PKIG: variants seen among roughly 807,000 people sequenced by gnomAD.
PKIG encodes the protein protein kinase (cAMP-dependent, catalytic) inhibitor gamma.
Under a neutral mutation model 6.8 loss-of-function variants are expected in PKIG, and 1 was observed. The observed-to-expected ratio is 0.15, with a 90% CI of 0.05 to 0.69. The LOEUF is 0.69. Among genes scored for constraint, PKIG ranks in the 30% least tolerant of loss-of-function variants. PKIG has a pLI of 0.82. For missense variants in PKIG, 77 were observed against 104.0 expected (o/e 0.74, Z 1.13); for synonymous variants, 39 against 43.0 (o/e 0.91, Z 0.36).
At chr20:44,596,345 A>T (rs2065074706) in intron 2 of PKIG, among the ~76,000 whole-genome samples, 1 of 152,252 alleles carries the variant, frequency 6.6e-6, no homozygotes, top group South Asian at 2.1e-4. Flanking sequence ...AGAGGGACTC[A>T]GGCTAAAGGG....
rs2065298218 is a variant in PKIG, at chr20:44,618,960, G to A, written c.*596G>A. On this transcript the variant is annotated 3_prime_UTR_variant, in exon 4 of 4. Coordinates refer to ENST00000372886, the MANE Select transcript of PKIG (RefSeq NM_001281445.2). ...TAGGGAAGGGATTTTGGCTCAAAAC[G>A]ATCTGACCACCTCTGCCCTGTCCAC... 6.4e-6 allele frequency: 1 copy of A among 155,656 alleles called. No homozygotes were observed. The highest frequency in any genetic ancestry group is 1.4e-5 in the Non-Finnish European group (1 of 69,960). The allele number at this position is 155,656 out of a possible 1,614,324, so 9.6% of individuals were successfully genotyped here. A position where few individuals can be genotyped will look rare whatever the true frequency, so the allele number is the denominator to read the frequency against.
chr20:44,607,298 C>G lies in PKIG; in HGVS notation c.-23-7236C>G, dbSNP rs554395613. Among the ~76,000 whole-genome samples, 54 of 148,502 alleles carry G rather than the reference C, an allele frequency of 3.6e-4. No homozygotes were observed. In the Middle Eastern group the frequency reaches 0.014, roughly 40 times the overall value. ...AGTGCTGCAGTGGCTTCAGAGTGAT[C>G]TACAGTTGTTTCCAAGGTGTGTGTG... On this transcript the variant is annotated intron_variant, in intron 2 of 3. Transcript: ENST00000372886.
intron 2 of PKIG, among the ~76,000 whole-genome samples, chr20:44,600,600 C>T (rs2065112932): frequency 2.0e-5 from 3 of 151,872 alleles, no homozygotes; most frequent in South Asian, 4.2e-4. Context: ...AATCCCAGCT[C>T]TTTGGGAGGC....
At chr20:44,549,337 A>G (rs1339608598) in intron 1 of PKIG, among the ~76,000 whole-genome samples, 1 of 152,222 alleles carries the variant, frequency 6.6e-6, no homozygotes, top group Non-Finnish European at 1.5e-5. Flanking sequence ...TCCCAGTGAC[A>G]TATGAACTGT....
chr20:44,601,180 A>C (rs1397211627), intron 2 of PKIG, among the ~76,000 whole-genome samples: 1 of 152,146 alleles, frequency 6.6e-6, no homozygotes, highest in East Asian at 1.9e-4. Context: ...CGTAGAAGTC[A>C]CTCAGGACCT....
At chr20:44,615,320 C>A (rs565989071) in intron 3 of PKIG, among the ~76,000 whole-genome samples, 37 of 152,374 alleles carry the variant, frequency 2.4e-4, no homozygotes, top group African/African-American at 5.8e-4. Flanking sequence ...GGGGCCTTCT[C>A]TGAGTGCTAG....
intron 1 of PKIG, among the ~76,000 whole-genome samples, chr20:44,532,823 T>C (rs889724014): frequency 2.0e-5 from 3 of 151,980 alleles, no homozygotes; most frequent in South Asian, 2.1e-4. Flanking sequence ...ATAAAGCAGG[T>C]AGAGAAAGTA....
intron 1 of PKIG, among the ~76,000 whole-genome samples, chr20:44,538,059 A>G (rs1167556231): frequency 2.0e-5 from 3 of 152,174 alleles, no homozygotes; most frequent in Admixed American, 6.5e-5. Flanking sequence ...AAAAAGGACA[A>G]TATAAGGTAT....
intron 2 of PKIG, among the ~76,000 whole-genome samples, chr20:44,591,212 C>G (rs184736444): frequency 1.1e-3 from 173 of 152,028 alleles, no homozygotes; most frequent in African/African-American, 4.1e-3. Context: ...AGCAGCACAG[C>G]GAAGGCCTGG....
Position 44,614,464 on chromosome 20 carries a change from G to A in PKIG, c.-23-70G>A, listed in dbSNP as rs2065245646. ...TTTTGACAGAAGCCACTGTGCTGGG[G>A]AACTGGAGCTGTCCTCTCTGCAGAA... On this transcript the variant is annotated intron_variant, in intron 2 of 3. Coordinates refer to ENST00000372886, the MANE Select transcript of PKIG (RefSeq NM_001281445.2). This position sits in a 1 kb window ranked among gnomAD's most constrained non-coding sequence, Gnocchi z 4.6. The A allele has an allele frequency of 8.9e-7, 1 of 1,128,250 alleles. No homozygotes were observed. The highest frequency in any genetic ancestry group is 1.3e-6 in the Non-Finnish European group (1 of 771,426). The allele number at this position is 1,128,250 out of a possible 1,614,324, so 69.9% of individuals were successfully genotyped here.
chr20:44,588,507 G>T (rs892348670), intron 1 of PKIG, among the ~76,000 whole-genome samples: 4 of 152,180 alleles, frequency 2.6e-5, no homozygotes, highest in Non-Finnish European at 5.9e-5. Context: ...AGCCGGGCGC[G>T]GTGGCACGCA....
chr20:44,532,283 AATTT>A (rs555356180), intron 1 of PKIG, among the ~76,000 whole-genome samples: 139 of 152,316 alleles, frequency 9.1e-4, no homozygotes, highest in African/African-American at 3.2e-3. Flanking sequence ...CTGTGCAGAA[AATTT>A]ATTTGTGTGT....
chr20:44,555,917 G>A (rs188892320), intron 1 of PKIG, among the ~76,000 whole-genome samples: 4 of 151,948 alleles, frequency 2.6e-5, no homozygotes, highest in African/African-American at 7.3e-5. Context: ...CTCTGCTCAC[G>A]GCAACTTCTG....
At chr20:44,553,711 C>T (rs1039879119) in intron 1 of PKIG, among the ~76,000 whole-genome samples, 9 of 152,056 alleles carry the variant, frequency 5.9e-5, no homozygotes, top group African/African-American at 2.2e-4. Context: ...CTCTAATGCT[C>T]GTTTATAGTA....
chr20:44,579,840 A>G (rs531380648), upstream of PKIG, among the ~76,000 whole-genome samples: 1 of 152,334 alleles, frequency 6.6e-6, no homozygotes, highest in African/African-American at 2.4e-5. Flanking sequence ...GTAACAAAAC[A>G]TGATTCAAAG....
intron 1 of PKIG, among the ~76,000 whole-genome samples, chr20:44,541,302 T>G (rs1341352280): frequency 6.6e-6 from 1 of 152,188 alleles, no homozygotes; most frequent in African/African-American, 2.4e-5. Context: ...TTTGTTTTGT[T>G]TTTGAGACTG....
In PKIG at chr20:44,618,441, C is replaced by A; in HGVS notation, c.*77C>A. 1 of 975,832 alleles carries A rather than the reference C, an allele frequency of 1.0e-6. No individual in the cohort carries two copies. The highest frequency in any genetic ancestry group is 1.7e-6 in the Non-Finnish European group (1 of 601,364). 60.4% of individuals were successfully genotyped at this position (975,832 alleles called of 1,614,324 possible). A position where few individuals can be genotyped will look rare whatever the true frequency, so the allele number is the denominator to read the frequency against. ...AGGGGGAACCCTGGCACTGGCCCAG[C>A]AGCCTCTTCTCTGAGCTCCATGTCC... On this transcript the variant is annotated 3_prime_UTR_variant, in exon 4 of 4. Transcript: ENST00000372886.
At chr20:44,541,057 G>A (rs189955868) in intron 1 of PKIG, among the ~76,000 whole-genome samples, 3 of 152,302 alleles carry the variant, frequency 2.0e-5, no homozygotes, top group Admixed American at 1.3e-4. Flanking sequence ...CGTTTGGTTG[G>A]CTTCTAGGCA....
intron 1 of PKIG, among the ~76,000 whole-genome samples, chr20:44,556,546 A>G (rs2064714984): frequency 6.6e-6 from 1 of 151,978 alleles, no homozygotes; most frequent in Non-Finnish European, 1.5e-5. Flanking sequence ...TATTTTTAGT[A>G]GAGACGGGGT....
Sources: allele counts gnomAD v4.1 joint callset (sites outside exome capture counted in the v4.1 genomes callset), GRCh38; gene constraint gnomAD v4.1.1; non-coding constraint Gnocchi (gnomAD v3.1); transcripts MANE v1.5; gene names NCBI Gene and HGNC (gene_info 2026-07-23, HGNC 2026-07-21).